The following TUSC3 variants were observed in gnomAD, a reference collection of about 807,000 sequenced individuals.
TUSC3 encodes the protein dolichyl-diphosphooligosaccharide--protein glycosyltransferase subunit TUSC3.
A neutral mutation model predicts 44.8 loss-of-function variants in TUSC3; 45 were observed. The ratio of observed to expected loss-of-function variants is 1.00; its 90% CI spans 0.79 to 1.29. The LOEUF is 1.29. Among genes scored for constraint, TUSC3 ranks in the 50% most tolerant of loss-of-function variants. TUSC3 has a pLI of 0.00. For missense variants in TUSC3, 519 were observed against 437.9 expected, an observed-to-expected ratio of 1.19 and a Z score of -1.65; for synonymous variants, 212 against 152.9, an observed-to-expected ratio of 1.39 and a Z score of -2.85.
rs1371077604 is a variant in TUSC3 at position 15,659,596 on chromosome 8, A to G, written c.516A>G (p.Gly172=). Residue 172 remains glycine, a synonymous_variant, in exon 4 of 11, where the codon GGA becomes GGG. Coordinates refer to ENST00000503731, the MANE Select transcript of TUSC3 (RefSeq NM_006765.4). The part of the protein sequence containing the change: ...RADTFDLQRI[G]FAAEQLAKWI... ...ATACTTTTGACCTCCAAAGAATTGGATTTGCAGCTGAGCAACTAGCAAAGT... is the reference window on the plus strand; with the variant it reads ...ATACTTTTGACCTCCAAAGAATTGGGTTTGCAGCTGAGCAACTAGCAAAGT... 1.2e-6 allele frequency: 2 copies of G among 1,613,392 alleles called. No homozygotes were observed. Among genetic ancestry groups the G allele is most frequent in the Non-Finnish European group, 1.7e-6 (2 of 1,179,726 alleles).
chr8:15,724,901 G>A (rs1326451175), intron 6 of TUSC3, among the ~76,000 whole-genome samples: 1 of 152,096 alleles, frequency 6.6e-6, no homozygotes, highest in African/African-American at 2.4e-5. Context: ...CTCTAGCTGC[G>A]GACAAGCTCT....
At chr8:15,658,667 ATATAT>A (rs1807283161) in intron 3 of TUSC3, among the ~76,000 whole-genome samples, 1 of 139,444 alleles carries the variant, frequency 7.2e-6, no homozygotes, top group Admixed American at 7.1e-5. Context: ...CACAAATACA[ATATAT>A]ATACACATAC....
At chr8:15,683,620 A>C (rs1182821130) in intron 6 of TUSC3, among the ~76,000 whole-genome samples, 1 of 151,832 alleles carries the variant, frequency 6.6e-6, no homozygotes, top group Non-Finnish European at 1.5e-5. Context: ...CCAGGTTCTG[A>C]ATTTATATCT....
chr8:15,643,898 A>G (rs919319258), intron 2 of TUSC3, among the ~76,000 whole-genome samples: 7 of 152,158 alleles, frequency 4.6e-5, no homozygotes, highest in Admixed American at 3.3e-4. Context: ...ATCACTGTCT[A>G]TAGAATTTTT....
chr8:15,589,672 C>G (rs1803741417), intron 1 of TUSC3, among the ~76,000 whole-genome samples: 1 of 151,792 alleles, frequency 6.6e-6, no homozygotes, highest in Admixed American at 6.6e-5. Context: ...TTTAAAACAT[C>G]TTTACAGTAT....
intron 8 of TUSC3, among the ~76,000 whole-genome samples, chr8:15,745,838 T>TA (rs1396771074): frequency 2.6e-5 from 4 of 151,412 alleles, no homozygotes; most frequent in Admixed American, 1.3e-4. Context: ...GGAGACTTAG[T>TA]AAAAAAAATT....
intron 1 of TUSC3, among the ~76,000 whole-genome samples, chr8:15,421,787 A>G (rs773089458): frequency 3.1e-4 from 47 of 152,228 alleles, no homozygotes; most frequent in Admixed American, 1.3e-3. Flanking sequence ...TCATAGACCT[A>G]ATGTGGCATA....
chr8:15,588,456 T>A, intron 1 of TUSC3, among the ~76,000 whole-genome samples: 1 of 152,166 alleles, frequency 6.6e-6, no homozygotes, highest in East Asian at 1.9e-4. Context: ...ATTCTGGATA[T>A]TCGTTCCTTG....
intron 1 of TUSC3, among the ~76,000 whole-genome samples, chr8:15,613,371 T>C (rs1042216025): frequency 2.0e-5 from 3 of 152,110 alleles, no homozygotes; most frequent in Admixed American, 6.6e-5. Context: ...TGATCTGTGT[T>C]GTTGTTAGAT....
chr8:15,527,206 G>T (rs879925947), intron 2 of TUSC3, among the ~76,000 whole-genome samples: 17 of 152,010 alleles, frequency 1.1e-4, no homozygotes, highest in Non-Finnish European at 1.5e-4. Context: ...TCTATGTGCA[G>T]CTTGAATGCT....
At chr8:15,517,271 A>G (rs1281673768) in intron 2 of TUSC3, among the ~76,000 whole-genome samples, 1 of 152,156 alleles carries the variant, frequency 6.6e-6, no homozygotes, top group Admixed American at 6.5e-5. Context: ...TGTTGTAAAA[A>G]TTTACGCCCA....
At chr8:15,733,386 A>C (rs550738155) in intron 7 of TUSC3, 2 of 409,076 alleles carry the variant, frequency 4.9e-6, no homozygotes, top group East Asian at 1.7e-4. Flanking sequence ...TCAATCCATG[A>C]TGTAGCATCT....
At chr8:15,718,409 T>G (rs977248204) in intron 6 of TUSC3, among the ~76,000 whole-genome samples, 1 of 152,124 alleles carries the variant, frequency 6.6e-6, no homozygotes, top group Non-Finnish European at 1.5e-5. Flanking sequence ...TTTGTTTGCA[T>G]GGAGAATATT....
intron 1 of TUSC3, among the ~76,000 whole-genome samples, chr8:15,567,090 C>G (rs1563293407): frequency 6.6e-6 from 1 of 152,052 alleles, no homozygotes; most frequent in Non-Finnish European, 1.5e-5. Context: ...CTTGGTTAAG[C>G]CACCATATCT....
At chr8:15,438,490 T>A (rs1397921135) in intron 1 of TUSC3, among the ~76,000 whole-genome samples, 1 of 152,188 alleles carries the variant, frequency 6.6e-6, no homozygotes, top group Non-Finnish European at 1.5e-5. Context: ...TGTTATTGTT[T>A]CTGCTGAGAA....
At chr8:15,704,404 C>G (rs1372563015) in intron 6 of TUSC3, among the ~76,000 whole-genome samples, 1 of 151,594 alleles carries the variant, frequency 6.6e-6, no homozygotes, top group Non-Finnish European at 1.5e-5. Flanking sequence ...TCTATATAAG[C>G]CTTGTAAACT....
intron 2 of TUSC3, among the ~76,000 whole-genome samples, chr8:15,529,976 G>A (rs1204972789): frequency 1.9e-5 from 2 of 103,588 alleles, no homozygotes; most frequent in Non-Finnish European, 3.8e-5. Flanking sequence ...TAGTAGAGAC[G>A]GGGTTTCACC....
At chr8:15,520,994 T>C (rs1801289821) in intron 2 of TUSC3, among the ~76,000 whole-genome samples, 1 of 152,184 alleles carries the variant, frequency 6.6e-6, no homozygotes, top group African/African-American at 2.4e-5. Context: ...CTTGGGACTG[T>C]ACCACTCCCT....
At chr8:15,505,655 G>T (rs1468084541) in intron 2 of TUSC3, among the ~76,000 whole-genome samples, 1 of 152,166 alleles carries the variant, frequency 6.6e-6, no homozygotes, top group Non-Finnish European at 1.5e-5. Flanking sequence ...GATTCAGCAG[G>T]TCTGAAGTGG....
Sources: gnomAD v4.1 joint callset for allele counts (sites outside exome capture counted in the v4.1 genomes callset) on GRCh38, gnomAD v4.1.1 for gene constraint, MANE v1.5 for transcripts, NCBI Gene and HGNC (gene_info 2026-07-23, HGNC 2026-07-21) for gene names.